OTUD3: variants seen among roughly 807,000 people sequenced by gnomAD.
OTUD3 encodes OTU domain-containing protein 3.
A neutral mutation model predicts 46.2 loss-of-function variants in OTUD3; 24 were observed. The ratio of observed to expected loss-of-function variants is 0.52; its 90% confidence interval spans 0.38 to 0.73. OTUD3 has a LOEUF of 0.73. Among genes scored for constraint, OTUD3 ranks in the 30% least tolerant of loss-of-function variants. The pLI is 0.00. For synonymous variants in OTUD3, 189 were observed against 195.4 expected (o/e 0.97, Z 0.27); for missense variants, 455 against 523.3 (o/e 0.87, Z 1.27).
chr1:19,905,906 C>T (rs2045654710), intron 6 of OTUD3, among the ~76,000 whole-genome samples: 1 of 152,174 alleles, frequency 6.6e-6, no homozygotes, highest in African/African-American at 2.4e-5. Flanking sequence ...ATTGGCTGTA[C>T]TTTTAGAAAT....
chr1:19,911,006 CTA>C lies in OTUD3; in HGVS notation c.*3262_*3263del, dbSNP rs1405504821. On this transcript the variant is annotated 3_prime_UTR_variant, in exon 8 of 8. Transcript: ENST00000375120. ...GGTTTTACTGGGTCAGCATAGAATG[CTA>C]TCAGTTTACCTCTGTGAAATATTCA... 6.6e-6 allele frequency: 1 copy of C among 152,372 alleles called. No homozygotes were observed. Among genetic ancestry groups the C allele is most frequent in the Non-Finnish European group, 1.5e-5 (1 of 68,048 alleles). 9.4% of individuals were successfully genotyped at this position (152,372 alleles called of 1,614,324 possible).
intron 3 of OTUD3, among the ~76,000 whole-genome samples, 194 bp downstream of exon 3, chr1:19,894,674 A>G (rs2045493319): frequency 6.6e-6 from 1 of 152,258 alleles, no homozygotes; most frequent in Non-Finnish European, 1.5e-5. Flanking sequence ...AGTCCGGAGT[A>G]TAATTTAGAA....
chr1:19,908,196 T>C lies in OTUD3; in HGVS notation c.*450T>C, dbSNP rs552910399. On this transcript the variant is annotated 3_prime_UTR_variant, in exon 8 of 8. Transcript: ENST00000375120. ...AGTTTCTCTTTCATTCTCAAACAGA[T>C]ATATAGGGTAGCTTATAAATGATCT... 6.5e-6 allele frequency: 1 copy of C among 153,314 alleles called. No individual in the cohort carries two copies. Among genetic ancestry groups the C allele is most frequent in the African/African-American group, 2.4e-5 (1 of 41,586 alleles). 9.5% of individuals were successfully genotyped at this position (153,314 alleles called of 1,614,324 possible). A position where few individuals can be genotyped will look rare whatever the true frequency, so the allele number is the denominator to read the frequency against.
chr1:19,906,184 AAAG>A (rs1557682124), intron 6 of OTUD3, among the ~76,000 whole-genome samples: 1 of 152,240 alleles, frequency 6.6e-6, no homozygotes, highest in Non-Finnish European at 1.5e-5. Context: ...ATTTATCTAA[AAAG>A]CACTCTGCTG....
At chr1:19,892,354 T>C (rs1481986792) in intron 2 of OTUD3, among the ~76,000 whole-genome samples, 1 of 152,220 alleles carries the variant, frequency 6.6e-6, no homozygotes, top group Non-Finnish European at 1.5e-5. Context: ...AATGTCAGTG[T>C]GCTGCCTACC....
intron 2 of OTUD3, 61 bp downstream of exon 2, chr1:19,890,594 T>C: frequency 7.0e-7 from 1 of 1,420,230 alleles, no homozygotes; most frequent in Non-Finnish European, 9.9e-7. Context: ...TTAAGTCCAC[T>C]GGCATCCTCC....
rs933588256 is a variant in OTUD3, at chr1:19,911,136, T to C, written c.*3390T>C. 2.6e-5 allele frequency: 4 copies of C among 152,454 alleles called. No individual in the cohort carries two copies. Among genetic ancestry groups the C allele is most frequent in the Admixed American group, 1.3e-4 (2 of 15,306 alleles). The allele number at this position is 152,454 out of a possible 1,614,324, so 9.4% of individuals were successfully genotyped here. On this transcript the variant is annotated 3_prime_UTR_variant, in exon 8 of 8. Transcript: ENST00000375120. ...AGAGAATGGAGCTTCCTGATTTTAA[T>C]GTGTTGCGTCAGTGGCCCTCTTCGA...
rs201617692 is a variant in OTUD3, at chr1:19,906,550, C to T, written c.954C>T (p.Thr318=). 8.7e-6 allele frequency: 14 copies of T among 1,613,304 alleles called. No homozygotes were observed. Among genetic ancestry groups the T allele is most frequent in the African/African-American group, 5.4e-5 (4 of 74,744 alleles). ...ATCAGGGCTTAAATGAAGGCAGGAC[C>T]GAAAACAATAAGGCACAGGCCAGCC... is the stretch of plus-strand genomic sequence containing the variant. ...FGNQGLNEGR[T]ENNKAQASPS... Residue 318 remains threonine (T), a synonymous_variant, in exon 7 of 8, where the codon ACC becomes ACT. Transcript: ENST00000375120.
chr1:19,902,199 G>C (rs968503158), intron 4 of OTUD3, among the ~76,000 whole-genome samples: 1 of 152,054 alleles, frequency 6.6e-6, no homozygotes, highest in Non-Finnish European at 1.5e-5. Flanking sequence ...GGTCATCCTA[G>C]TTAGTATCTT....
intron 3 of OTUD3, among the ~76,000 whole-genome samples, chr1:19,896,254 T>A (rs1225823161): frequency 6.6e-6 from 1 of 152,076 alleles, no homozygotes; most frequent in Non-Finnish European, 1.5e-5. Flanking sequence ...GAATATGTGC[T>A]CCTGTGAACA....
At chr1:19,891,795 A>G (rs1285328497) in intron 2 of OTUD3, among the ~76,000 whole-genome samples, 1 of 152,218 alleles carries the variant, frequency 6.6e-6, no homozygotes, top group African/African-American at 2.4e-5. Flanking sequence ...ACACAGAGCA[A>G]CAAAACTTCC....
In OTUD3 at chr1:19,912,680, C is replaced by T. The variant is rs966502800; in HGVS notation, c.*4934C>T. 1 of 152,222 alleles carries T rather than the reference C, an allele frequency of 6.6e-6. No individual in the cohort carries two copies. Among genetic ancestry groups the T allele is most frequent in the South Asian group, 2.1e-4 (1 of 4,818 alleles). 9.4% of individuals were successfully genotyped at this position (152,222 alleles called of 1,614,324 possible). A position where few individuals can be genotyped will look rare whatever the true frequency, so the allele number is the denominator to read the frequency against. ...CAAGTCTTGCCTTATCTATGGAGCT[C>T]GATGGTGAGAATTGTGACCATTGTC... is the stretch of plus-strand genomic sequence containing the variant. On this transcript the variant is annotated 3_prime_UTR_variant, in exon 8 of 8. Transcript: ENST00000375120.
At chr1:19,896,220 A>T (rs2045514948) in intron 3 of OTUD3, among the ~76,000 whole-genome samples, 1 of 152,044 alleles carries the variant, frequency 6.6e-6, no homozygotes, top group Non-Finnish European at 1.5e-5. Flanking sequence ...ATTGAAACCT[A>T]CATTTTTTTT....
Position 19,882,490 on chromosome 1 carries a change from C to T in OTUD3, c.-24C>T, listed in dbSNP as rs769031915. On this transcript the variant is annotated 5_prime_UTR_variant, in exon 1 of 8. Coordinates refer to ENST00000375120, the MANE Select transcript of OTUD3 (RefSeq NM_015207.2). The stretch of plus-strand genomic sequence containing the variant: ...GGGGTCCTGCGCCTTTCCCTCCTGC[C>T]GCTGGGGACTGCAGGCTAAGGCCAT... 4 of 1,348,560 alleles carry T rather than the reference C, an allele frequency of 3.0e-6. No individual in the cohort carries two copies. The highest frequency in any genetic ancestry group is 6.1e-5 in the East Asian group (2 of 32,548). The allele number at this position is 1,348,560 out of a possible 1,614,324, so 83.5% of individuals were successfully genotyped here. A position where few individuals can be genotyped will look rare whatever the true frequency, so the allele number is the denominator to read the frequency against.
chr1:19,904,793 A>G (rs919390377), intron 5 of OTUD3, 98 bp from the exon 6 acceptor site: 11 of 679,494 alleles, frequency 1.6e-5, no homozygotes, highest in Non-Finnish European at 2.9e-5. Flanking sequence ...AATTCTCACT[A>G]TTACATCTTT....
intron 3 of OTUD3, among the ~76,000 whole-genome samples, chr1:19,897,292 G>T (rs571121143): frequency 1.6e-4 from 25 of 152,268 alleles, no homozygotes; most frequent in African/African-American, 5.8e-4. Context: ...TCGCAAGTCT[G>T]CCCCTGGTTT....
In OTUD3 at chr1:19,882,605, G is replaced by A. The variant is rs763528887; in HGVS notation, c.92G>A (p.Arg31Gln). The A allele has an allele frequency of 1.2e-5, 17 of 1,438,650 alleles. No homozygotes were observed. The highest frequency in any genetic ancestry group is 2.7e-6 in the Non-Finnish European group (3 of 1,098,872). The allele number at this position is 1,438,650 out of a possible 1,614,324, so 89.1% of individuals were successfully genotyped here. The part of the protein sequence containing the change: ...ERKRDERAAR[R>Q]ALAKERRNRP... The stretch of plus-strand genomic sequence containing the variant: ...AAGCGGGACGAGCGGGCGGCGCGCC[G>A]GGCCCTGGCCAAGGAGCGGCGGAAT... Residue 31 changes from arginine to glutamine, a missense_variant, in exon 1 of 8, where the codon CGG becomes CAG. Transcript: ENST00000375120.
intron 7 of OTUD3, 37 bp from the exon 8 acceptor site, chr1:19,907,533 C>T (rs767508119): frequency 2.2e-5 from 36 of 1,602,858 alleles, no homozygotes; most frequent in Admixed American, 1.2e-4. Flanking sequence ...TTGAGTCCCC[C>T]GTGCTTCCTA....
Position 19,882,752 on chromosome 1 carries a change from C to G in OTUD3, c.221+18C>G. On this transcript the variant is annotated intron_variant, in intron 1 of 7. Coordinates refer to ENST00000375120, the MANE Select transcript of OTUD3 (RefSeq NM_015207.2). ...GGGGACGGGTGAGGCGGGCCGGGAG[C>G]GAGGGAGGCGGCGCCGGGGGACGCG... is the stretch of plus-strand genomic sequence containing the variant. 2.3e-6 allele frequency: 3 copies of G among 1,295,232 alleles called. No individual in the cohort carries two copies. The highest frequency in any genetic ancestry group is 2.9e-6 in the Non-Finnish European group (3 of 1,022,862). The allele number at this position is 1,295,232 out of a possible 1,614,324, so 80.2% of individuals were successfully genotyped here.
Sources: allele counts gnomAD v4.1 joint callset (sites outside exome capture counted in the v4.1 genomes callset), GRCh38; gene constraint gnomAD v4.1.1; transcripts MANE v1.5; gene names NCBI Gene and HGNC (gene_info 2026-07-23, HGNC 2026-07-21).